Variants in COQ3 observed in about 807,000 individuals in gnomAD.
COQ3 encodes the protein coenzyme Q3, methyltransferase.
Under a neutral mutation model 33.1 loss-of-function variants are expected in COQ3, and 29 were observed. The ratio of observed to expected loss-of-function variants is 0.88; its 90% CI spans 0.65 to 1.19. The LOEUF (loss-of-function observed/expected upper bound fraction) is 1.19. COQ3 is among the 50% of genes most tolerant of loss of function. The probability of loss-of-function intolerance (pLI) is 0.00; values close to 1 mark genes in which losing one functional copy is unlikely to be tolerated. For missense variants in COQ3, 437 were observed against 430.7 expected (o/e 1.01, Z -0.13); for synonymous variants, 173 against 157.8 (o/e 1.10, Z -0.72).
At chr6:99,384,010 C>T (rs535654252) in intron 1 of COQ3, among the ~76,000 whole-genome samples, 186 bp from the exon 2 acceptor site, 1 of 152,302 alleles carries the variant, frequency 6.6e-6, no homozygotes, top group East Asian at 1.9e-4. Flanking sequence ...AAGCAATCCT[C>T]CCGCCTCAGC....
chr6:99,376,295 A>T (rs2128470749), intron 4 of COQ3, 113 bp from the exon 5 acceptor site: 1 of 1,078,570 alleles, frequency 9.3e-7, no homozygotes, highest in East Asian at 2.5e-5. Context: ...AATACTGGAC[A>T]TCATTTATGG....
chr6:99,380,239 T>G lies in COQ3; in HGVS notation c.336A>C (p.Gly112=), dbSNP rs1307928537. 2 of 1,614,116 alleles carry G rather than the reference T, an allele frequency of 1.2e-6. No individual in the cohort carries two copies. Among genetic ancestry groups the G allele is most frequent in the Non-Finnish European group, 1.7e-6 (2 of 1,179,994 alleles). ...ALAHKWWDEQ[G]VYAPLHSMND... ...TCATGGAATGAAGAGGTGCATATAC[T>G]CCTTGTTCATCCCACCATTTGTGAG... is the stretch of plus-strand genomic sequence containing the variant. The change falls in exon 3 of 7, where the codon GGA becomes GGC. Residue 112 remains glycine (G), a synonymous_variant. Transcript: ENST00000254759.
chr6:99,393,864 CACTG>C (rs780728985), intron 1 of COQ3, among the ~76,000 whole-genome samples: 8 of 152,342 alleles, frequency 5.3e-5, no homozygotes, highest in Admixed American at 3.9e-4. Context: ...CAGACAGGAC[CACTG>C]GTCCTGAGCT....
chr6:99,370,291 C>T (rs1398480031), intron 6 of COQ3, among the ~76,000 whole-genome samples: 1 of 149,808 alleles, frequency 6.7e-6, no homozygotes, highest in Non-Finnish European at 1.5e-5. Context: ...CATAACACAT[C>T]TTTAAAACAT....
chr6:99,394,044 C>T (rs1562213085), intron 1 of COQ3, 30 bp downstream of exon 1: 6 of 1,563,948 alleles, frequency 3.8e-6, no homozygotes, highest in South Asian at 2.2e-5. Context: ...CAATTGACTG[C>T]ATGCGAAGGA....
chr6:99,370,317 T>C (rs1270819221), intron 6 of COQ3, among the ~76,000 whole-genome samples: 2 of 151,152 alleles, frequency 1.3e-5, no homozygotes, highest in East Asian at 3.9e-4. Flanking sequence ...TCCTACTTTC[T>C]TTTCTTTCTT....
At chr6:99,376,927 C>A (rs1000916744) in intron 4 of COQ3, among the ~76,000 whole-genome samples, 1 of 151,086 alleles carries the variant, frequency 6.6e-6, no homozygotes, top group Non-Finnish European at 1.5e-5. Flanking sequence ...CATGCCATTG[C>A]ACTCTAGCCT....
intron 2 of COQ3, among the ~76,000 whole-genome samples, chr6:99,381,183 T>C (rs1456083166): frequency 6.6e-6 from 1 of 152,192 alleles, no homozygotes; most frequent in African/African-American, 2.4e-5. Context: ...ATCTCTTGCC[T>C]GAACTAGTGT....
intron 3 of COQ3, among the ~76,000 whole-genome samples, chr6:99,378,695 C>A (rs1774377155): frequency 6.6e-6 from 1 of 152,172 alleles, no homozygotes; most frequent in African/African-American, 2.4e-5. Context: ...CCAGGGCCTA[C>A]ACTTTGAGAC....
chr6:99,394,026 A>C (rs1193551168), intron 1 of COQ3, 48 bp downstream of exon 1: 58 of 1,459,012 alleles, frequency 4.0e-5, no homozygotes, highest in Middle Eastern at 1.8e-4. Flanking sequence ...CAGAGACGCC[A>C]GCGCTCGCAA....
intron 2 of COQ3, among the ~76,000 whole-genome samples, chr6:99,381,073 C>T (rs964211717): frequency 6.6e-6 from 1 of 152,024 alleles, no homozygotes; most frequent in African/African-American, 2.4e-5. Context: ...AAGGGAGGCT[C>T]AGAGAGATTA....
At chr6:99,391,086 T>TATTTATTG (rs1562211489) in intron 1 of COQ3, among the ~76,000 whole-genome samples, 1 of 86,930 alleles carries the variant, frequency 1.2e-5, no homozygotes, top group Non-Finnish European at 2.7e-5. Context: ...TTTATTTATT[T>TATTTATTG]ATTTATTTAT....
chr6:99,371,465 A>G lies in COQ3; in HGVS notation c.852T>C (p.Phe284=). The part of the protein sequence containing the change: ...VPKGTHTWEK[F]VSPETLESIL... The stretch of plus-strand genomic sequence containing the variant: ...TGCTCTCTAGTGTTTCAGGTGAAAC[A>G]AACTTCTCCCATGTATGAGTACCTT... The change falls in exon 6 of 7, where the codon TTT becomes TTC. Residue 284 remains phenylalanine (F), a synonymous_variant. Transcript: ENST00000254759. The G allele has an allele frequency of 6.2e-7, 1 of 1,601,430 alleles. No individual in the cohort carries two copies. The highest frequency in any genetic ancestry group is 1.1e-5 in the South Asian group (1 of 87,730).
chr6:99,383,810 G>A lies in COQ3; in HGVS notation c.121C>T (p.Gln41Ter). 1 of 1,573,588 alleles carries A rather than the reference G, an allele frequency of 6.4e-7. No individual in the cohort carries two copies. Among genetic ancestry groups the A allele is most frequent in the Admixed American group, 2.0e-5 (1 of 49,912 alleles). The part of the protein sequence containing the change: ...LISSAVYVKN[Q>*]LSGTLQIKPG... ...TTAATCTGTAGAGTCCCACTGAGCT[G>A]GTTCTTCACATAAACTGAAAAAAAA... is the stretch of plus-strand genomic sequence containing the variant. The change falls in exon 2 of 7, where the codon CAG becomes TAG. Residue 41 changes from glutamine (Q) to a stop codon, truncating the protein, a stop_gained. Transcript: ENST00000254759. LOFTEE classifies it high-confidence loss of function.
intron 2 of COQ3, among the ~76,000 whole-genome samples, chr6:99,382,117 A>C (rs895992351): frequency 2.0e-5 from 3 of 152,100 alleles, no homozygotes; most frequent in African/African-American, 7.2e-5. Context: ...TGTCTTCCTT[A>C]CCATTTTATT....
In COQ3 at chr6:99,385,896, G is replaced by T. The variant is rs542961614; in HGVS notation, c.107-2072C>A. Among the ~76,000 whole-genome samples, 8 of 148,302 alleles carry T rather than the reference G, an allele frequency of 5.4e-5. No individual in the cohort carries two copies. The Admixed American group carries it at 5.5e-4, about 10-fold the overall frequency. ...GGAGGCTGAGGCAGAAGAATCGCTT[G>T]AACCTGGGAGATGGAGGTTGCAGTG... On this transcript the variant is annotated intron_variant, in intron 1 of 6. Transcript: ENST00000254759.
chr6:99,376,447 T>G (rs1053044919), intron 4 of COQ3, among the ~76,000 whole-genome samples: 2 of 152,216 alleles, frequency 1.3e-5, no homozygotes, highest in African/African-American at 4.8e-5. Context: ...AAAAACTTTG[T>G]CTATGTACTC....
chr6:99,370,498 A>T (rs1582711834), intron 6 of COQ3, among the ~76,000 whole-genome samples: 1 of 151,106 alleles, frequency 6.6e-6, no homozygotes, highest in South Asian at 2.1e-4. Context: ...ACAGGCATGC[A>T]CCACCACACC....
Position 99,393,932 on chromosome 6 carries a change from T to TGGGGCC in COQ3, c.106+136_106+141dup, listed in dbSNP as rs886281952. ...ATGCGAGGTTTACAATGGAGAGAGA[T>TGGGGCC]GGGGCCAGGACCAAGCCTTAGGTTT... is the stretch of plus-strand genomic sequence containing the variant. On this transcript the variant is annotated intron_variant, in intron 1 of 6. Transcript: ENST00000254759. 46 of 640,712 alleles carry TGGGGCC rather than the reference T, an allele frequency of 7.2e-5. No homozygotes were observed. In the African/African-American group the frequency reaches 8.5e-4, roughly 12 times the overall value. The allele number at this position is 640,712 out of a possible 1,614,324, so 39.7% of individuals were successfully genotyped here.
Sources: allele counts gnomAD v4.1 joint callset (sites outside exome capture counted in the v4.1 genomes callset), GRCh38; gene constraint gnomAD v4.1.1; transcripts MANE v1.5; gene names NCBI Gene and HGNC (gene_info 2026-07-23, HGNC 2026-07-21).